The following ZNF606 variants were observed in gnomAD, a reference collection of about 807,000 sequenced individuals.
The protein encoded by ZNF606 is zinc finger protein 328.
ZNF606 carries 37 observed loss-of-function variants against 74.9 expected under a neutral mutation model. That is an observed-to-expected ratio of 0.49 (90% CI 0.38 to 0.65). ZNF606 has a LOEUF of 0.65. Among genes scored for constraint, ZNF606 ranks in the 30% least tolerant of loss-of-function variants. The pLI is 0.00. For synonymous variants in ZNF606, 328 were observed against 312.4 expected (o/e 1.05, Z -0.53); for missense variants, 852 against 952.9 (o/e 0.89, Z 1.39).
intron 4 of ZNF606, among the ~76,000 whole-genome samples, chr19:57,995,063 C>T (rs906684038): frequency 1.3e-5 from 2 of 151,750 alleles, no homozygotes; most frequent in East Asian, 1.9e-4. Context: ...TGGTGGCATG[C>T]ACCTGTACTC....
chr19:57,990,051 C>CAAAAAAAAAAAAAAA (rs1159494660), intron 4 of ZNF606, among the ~76,000 whole-genome samples: 2 of 13,842 alleles, frequency 1.4e-4, no homozygotes, highest in African/African-American at 2.9e-4. Context: ...GACTCCATCT[C>CAAAAAAAAAAAAAAA]AAAAAAAAAA....
In ZNF606 at chr19:57,979,942, A is replaced by G; in HGVS notation, c.738T>C (p.Ser246=). Residue 246 remains serine, a synonymous_variant, in exon 7 of 7, where the codon AGT becomes AGC. Coordinates refer to ENST00000551380, the MANE Select transcript of ZNF606 (RefSeq NM_001348022.3). ...ACATTATGGCTGAGTCACATCTCCA[A>G]CTTTGAGCATGTGTATCAGGCTTAT... The part of the protein sequence containing the change: ...HFYKPDTHAQ[S]WRCDSAIMYA... 6.2e-7 allele frequency: 1 copy of G among 1,614,004 alleles called. No individual in the cohort carries two copies. The highest frequency in any genetic ancestry group is 8.5e-7 in the Non-Finnish European group (1 of 1,180,028).
At chr19:57,995,189 C>CA (rs766350560) in intron 4 of ZNF606, among the ~76,000 whole-genome samples, 2,670 of 49,096 alleles carry the variant, frequency 0.054, 97 homozygotes, top group African/African-American at 0.11. Flanking sequence ...GACTCTGACT[C>CA]AAAAAAAAAA....
In ZNF606 at chr19:57,979,038, C is replaced by T. The variant is rs1420851949; in HGVS notation, c.1642G>A (p.Ala548Thr). Residue 548 changes from alanine (A) to threonine (T), a missense_variant, in exon 7 of 7, where the codon GCT (alanine) becomes ACT (threonine). Coordinates refer to ENST00000551380, the MANE Select transcript of ZNF606 (RefSeq NM_001348022.3). ...KPFKCDECEK[A>T]FRDYSALSKH... Reference sequence around the variant, plus strand: ...CTAAGGGCTGAGTAGTCCCTAAAAGCTTTTTCACATTCATCACATTTAAAG... The same window carrying T: ...CTAAGGGCTGAGTAGTCCCTAAAAGTTTTTTCACATTCATCACATTTAAAG... 1 of 1,613,786 alleles carries T rather than the reference C, an allele frequency of 6.2e-7. No individual in the cohort carries two copies. Among genetic ancestry groups the T allele is most frequent in the African/African-American group, 1.3e-5 (1 of 74,806 alleles).
chr19:57,979,930 G>A lies in ZNF606; in HGVS notation c.750C>T (p.Asp250=). Residue 250 remains aspartate (D), a synonymous_variant, in exon 7 of 7, where the codon GAC becomes GAT. Transcript: ENST00000551380. ...PDTHAQSWRC[D]SAIMYADKVT... Reference sequence around the variant, plus strand: ...CCTTATCTGCATACATTATGGCTGAGTCACATCTCCAACTTTGAGCATGTG... The same window carrying A: ...CCTTATCTGCATACATTATGGCTGAATCACATCTCCAACTTTGAGCATGTG... 1 of 1,613,974 alleles carries A rather than the reference G, an allele frequency of 6.2e-7. No individual in the cohort carries two copies. The highest frequency in any genetic ancestry group is 8.5e-7 in the Non-Finnish European group (1 of 1,180,022).
At chr19:57,980,359 A>G in intron 6 of ZNF606, 80 bp from the exon 7 acceptor site, 1 of 1,419,234 alleles carries the variant, frequency 7.0e-7, no homozygotes, top group Non-Finnish European at 9.5e-7. Context: ...TTTACTGTCC[A>G]TATTATCAAA....
At chr19:57,995,449 G>C (rs967447925) in intron 4 of ZNF606, among the ~76,000 whole-genome samples, 2 of 152,050 alleles carry the variant, frequency 1.3e-5, no homozygotes, top group African/African-American at 4.8e-5. Context: ...TGACTTCTCT[G>C]TATCTATCAA....
chr19:58,003,219 C>T, upstream of ZNF606: 1 of 456,716 alleles, frequency 2.2e-6, no homozygotes, highest in Non-Finnish European at 4.4e-6. Flanking sequence ...AGATAAGGAA[C>T]CTAATTCGAG....
chr19:57,995,581 A>G (rs920759642), intron 4 of ZNF606, among the ~76,000 whole-genome samples: 7 of 152,218 alleles, frequency 4.6e-5, no homozygotes, highest in African/African-American at 1.7e-4. Context: ...TAATCCCAGC[A>G]CTTTGAGGCA....
At chr19:57,986,127 G>A (rs960094500) in intron 6 of ZNF606, among the ~76,000 whole-genome samples, 1 of 152,054 alleles carries the variant, frequency 6.6e-6, no homozygotes, top group Non-Finnish European at 1.5e-5. Flanking sequence ...CTTCAAAAAT[G>A]AAGGAGAAAT....
intron 1 of ZNF606, chr19:58,001,974 G>A: frequency 2.8e-6 from 1 of 352,944 alleles, no homozygotes; most frequent in Non-Finnish European, 5.6e-6. Flanking sequence ...TGGGCCTGGC[G>A]CCCAGACCCC....
intron 6 of ZNF606, among the ~76,000 whole-genome samples, chr19:57,981,872 T>G (rs577491470): frequency 1.3e-5 from 2 of 152,234 alleles, no homozygotes; most frequent in African/African-American, 4.8e-5. Context: ...CTAATCTGTA[T>G]GTGAACAATG....
rs2073028976 is a variant in ZNF606, at chr19:57,978,782, C to T, written c.1898G>A (p.Cys633Tyr). The T allele has an allele frequency of 6.2e-7, 1 of 1,614,076 alleles. No homozygotes were observed. The highest frequency in any genetic ancestry group is 8.5e-7 in the Non-Finnish European group (1 of 1,180,008). ...TCTAACAAGGTGAGCCATCTGGCTA[C>T]AGGATTTTCCACATTTATTACATTC... ...PYECNKCGKS[C>Y]SQMAHLVRHQ... The change falls in exon 7 of 7, where the codon TGT (cysteine) becomes TAT (tyrosine). Residue 633 changes from cysteine (C) to tyrosine (Y), a missense_variant. Cys to Tyr is a radical substitution (Grantham distance 194). Transcript: ENST00000551380. The surrounding 1 kb of genome is among the most constrained non-coding windows in gnomAD (Gnocchi z 4.4).
chr19:57,998,170 T>C (rs1397415471), intron 4 of ZNF606: 1 of 152,168 alleles, frequency 6.6e-6, no homozygotes, highest in Non-Finnish European at 1.5e-5. Context: ...AAACTCTTTT[T>C]CTTCATCTTT....
Position 57,999,888 on chromosome 19 carries a change from G to C in ZNF606, c.97C>G (p.Pro33Ala). 1 of 1,613,768 alleles carries C rather than the reference G, an allele frequency of 6.2e-7. No individual in the cohort carries two copies. ...TCCACGTGCCAGGCAGGATACTGAG[G>C]ACACAGAGCTAGGAAACGAGAAAAA... is the stretch of plus-strand genomic sequence containing the variant. ...VDPWASWALC[P>A]QYPAWHVEGS... The change falls in exon 4 of 7, where the codon CCT becomes GCT. Residue 33 changes from proline (P) to alanine (A), a missense_variant. By Grantham distance (27) the Pro-to-Ala change is conservative. Coordinates refer to ENST00000551380, the MANE Select transcript of ZNF606 (RefSeq NM_001348022.3).
intron 6 of ZNF606, among the ~76,000 whole-genome samples, chr19:57,987,546 A>G (rs1016380914): frequency 1.3e-5 from 2 of 152,152 alleles, no homozygotes; most frequent in African/African-American, 4.8e-5. Flanking sequence ...CAAAAGCCCA[A>G]GCCGGGAACG....
rs749500841 is a variant in ZNF606 at position 57,979,952 on chromosome 19, T to C, written c.728A>G (p.His243Arg). The change falls in exon 7 of 7, where the codon CAT becomes CGT. Residue 243 changes from histidine (H) to arginine (R), a missense_variant. Coordinates refer to ENST00000551380, the MANE Select transcript of ZNF606 (RefSeq NM_001348022.3). ...QIEHFYKPDT[H>R]AQSWRCDSAI... is the part of the protein sequence containing the mutation. ...TGAGTCACATCTCCAACTTTGAGCA[T>C]GTGTATCAGGCTTATAGAAATGTTC... The C allele has an allele frequency of 3.7e-6, 6 of 1,613,874 alleles. No individual in the cohort carries two copies. The highest frequency in any genetic ancestry group is 5.1e-6 in the Non-Finnish European group (6 of 1,180,026).
chr19:57,994,905 C>T (rs781292487), intron 4 of ZNF606, among the ~76,000 whole-genome samples: 99 of 152,060 alleles, frequency 6.5e-4, no homozygotes, highest in Non-Finnish European at 6.2e-4. Flanking sequence ...TATACCTAGC[C>T]GGGCATGGTG....
Position 57,978,363 on chromosome 19 carries a change from A to T in ZNF606, c.2317T>A (p.Phe773Ile). The change falls in exon 7 of 7, where the codon TTT (phenylalanine) becomes ATT (isoleucine). Residue 773 changes from phenylalanine to isoleucine, a missense_variant. By Grantham distance (21) the Phe-to-Ile change is conservative. Around this residue, in one of 3 missense-constraint regions of ZNF606, gnomAD observed 64 missense variants for 51.1 expected, o/e 1.25. Coordinates refer to ENST00000551380, the MANE Select transcript of ZNF606 (RefSeq NM_001348022.3). This position sits in a 1 kb window ranked among gnomAD's most constrained non-coding sequence, Gnocchi z 4.4. ...TGAAGTAGGGCTGAGTGACCACTAA[A>T]GGCTTTTCCACATTCACTGCATATA... ...RFICSECGKAFSGHSALLQHQ... is the reference protein window; with the variant it reads ...RFICSECGKAISGHSALLQHQ... 5 of 1,607,800 alleles carry T rather than the reference A, an allele frequency of 3.1e-6. No individual in the cohort carries two copies. Among genetic ancestry groups the T allele is most frequent in the Non-Finnish European group, 4.3e-6 (5 of 1,174,924 alleles).
Sources: allele counts gnomAD v4.1 joint callset (sites outside exome capture counted in the v4.1 genomes callset), GRCh38; gene constraint gnomAD v4.1.1; regional missense constraint gnomAD v4.1.1; non-coding constraint Gnocchi (gnomAD v3.1); transcripts MANE v1.5; gene names NCBI Gene and HGNC (gene_info 2026-07-23, HGNC 2026-07-21).